GLIS3: variants seen among roughly 807,000 people sequenced by gnomAD.
The protein encoded by GLIS3 is GLIS family zinc finger 3, also known as zinc finger protein GLIS3.
In GLIS3, 53 loss-of-function variants were observed where a neutral mutation model predicts 78.6. The ratio of observed to expected loss-of-function variants is 0.67; its 90% CI spans 0.54 to 0.85. The LOEUF (loss-of-function observed/expected upper bound fraction) is 0.85, where lower values mean the gene tolerates loss of function less well. GLIS3 is among the 40% of genes least tolerant of loss of function. The pLI, the probability that GLIS3 is intolerant of heterozygous loss-of-function variation, is 0.00. For missense variants in GLIS3, 1,703 were observed against 1,231.1 expected, an observed-to-expected ratio of 1.38 and a Z score of -5.74; for synonymous variants, 684 against 509.9, an observed-to-expected ratio of 1.34 and a Z score of -4.60.
At chr9:4,033,081 T>C (rs1165137171) in intron 4 of GLIS3, among the ~76,000 whole-genome samples, 2 of 151,988 alleles carry the variant, frequency 1.3e-5, no homozygotes, top group African/African-American at 4.8e-5. Context: ...TCTTGATCTC[T>C]TGACCTTGTG....
chr9:4,405,398 A>G, the GLIS3 span, among the ~76,000 whole-genome samples: 4 of 151,832 alleles, frequency 2.6e-5, no homozygotes, highest in Admixed American at 2.6e-4. Context: ...AAAGAAAGAA[A>G]GAAAGAAAAG....
chr9:4,229,073 G>C (rs1822030229), intron 2 of GLIS3, among the ~76,000 whole-genome samples: 1 of 152,118 alleles, frequency 6.6e-6, no homozygotes, highest in South Asian at 2.1e-4. Context: ...TAGTTGTTAG[G>C]TGTAAAAAAC....
At chr9:4,435,280 T>C in the GLIS3 span, among the ~76,000 whole-genome samples, 12 of 152,320 alleles carry the variant, frequency 7.9e-5, no homozygotes, top group East Asian at 1.9e-4. Flanking sequence ...TAATGGATTG[T>C]AAAATTGAAT....
intron 4 of GLIS3, among the ~76,000 whole-genome samples, chr9:4,012,501 A>G (rs943027304): frequency 2.0e-5 from 3 of 152,210 alleles, no homozygotes; most frequent in Non-Finnish European, 4.4e-5. Flanking sequence ...ATAATTTTGT[A>G]AAGGACACTG....
chr9:4,388,567 G>T, the GLIS3 span, among the ~76,000 whole-genome samples: 11,503 of 151,904 alleles, frequency 0.076, 562 homozygotes, highest in South Asian at 0.12. Context: ...TCCCAGCTAC[G>T]CAGGAGGCTG....
chr9:4,310,521 T>A (rs1233527377), exon 3 of GLIS3: 2 of 152,184 alleles, frequency 1.3e-5, no homozygotes, highest in Admixed American at 6.5e-5. Flanking sequence ...TGAATTTCAT[T>A]TGCAAACCTA....
chr9:4,369,610 C>G, the GLIS3 span, among the ~76,000 whole-genome samples: 2 of 152,106 alleles, frequency 1.3e-5, no homozygotes, highest in African/African-American at 4.8e-5. Context: ...GCTGTAGGCC[C>G]TTGTGCAAGC....
the GLIS3 span, among the ~76,000 whole-genome samples, chr9:4,416,842 G>A: frequency 1.8e-5 from 2 of 113,858 alleles, no homozygotes; most frequent in East Asian, 5.2e-4. Flanking sequence ...TTTTTAGATG[G>A]AGTTTCACTC....
intron 4 of GLIS3, among the ~76,000 whole-genome samples, chr9:4,074,884 G>A (rs1014410277): frequency 1.3e-5 from 2 of 152,130 alleles, no homozygotes; most frequent in African/African-American, 4.8e-5. Context: ...CAATTCAAGA[G>A]GATCATCTAC....
At chr9:4,195,298 G>A (rs937161347) in intron 2 of GLIS3, among the ~76,000 whole-genome samples, 11 of 152,314 alleles carry the variant, frequency 7.2e-5, no homozygotes, top group Non-Finnish European at 1.6e-4. Context: ...AGGTGTGGAG[G>A]GAGAGGCGCG....
intron 2 of GLIS3, among the ~76,000 whole-genome samples, chr9:4,281,925 A>T (rs557036473): frequency 6.6e-6 from 1 of 152,290 alleles, no homozygotes; most frequent in African/African-American, 2.4e-5. Flanking sequence ...TCACTGTGGC[A>T]CTCCAGTGAC....
the GLIS3 span, among the ~76,000 whole-genome samples, chr9:4,437,420 G>GTATGTATGTATGTATCTATCTATC: frequency 7.9e-6 from 1 of 126,928 alleles, no homozygotes; most frequent in African/African-American, 2.9e-5. Flanking sequence ...ATGTATGTAT[G>GTATGTATGTATGTATCTATCTATC]TATCTATCTA....
In GLIS3 at chr9:4,118,145, G is replaced by A. The variant is rs767395428; in HGVS notation, c.1333C>T (p.Pro445Ser). 9 of 1,554,028 alleles carry A rather than the reference G, an allele frequency of 5.8e-6. No homozygotes were observed. The highest frequency in any genetic ancestry group is 5.2e-6 in the Non-Finnish European group (6 of 1,149,562). Residue 445 changes from proline to serine, a missense_variant, in exon 4 of 11, where the codon CCC becomes TCC. Coordinates refer to ENST00000381971, the MANE Select transcript of GLIS3 (RefSeq NM_001042413.2). This position sits in a 1 kb window ranked among gnomAD's most constrained non-coding sequence, Gnocchi z 4.7. ...EFPGSTVDLP[P>S]APPLPPLPPP... ...GGCAGAGGAGGGAGCGGAGGCGCGG[G>A]GGGTAGGTCTACGGTGCTGCCCGGG... is the stretch of plus-strand genomic sequence containing the variant.
At chr9:4,039,815 G>A (rs1422221368) in intron 4 of GLIS3, among the ~76,000 whole-genome samples, 1 of 152,230 alleles carries the variant, frequency 6.6e-6, no homozygotes, top group African/African-American at 2.4e-5. Context: ...CAATGGTCAA[G>A]TACTACAGGA....
At chr9:4,430,052 CAAAA>C in the GLIS3 span, among the ~76,000 whole-genome samples, 5 of 151,638 alleles carry the variant, frequency 3.3e-5, no homozygotes, top group Admixed American at 3.3e-4. Flanking sequence ...AACAAACAAA[CAAAA>C]ACTTTGAGGC....
intron 4 of GLIS3, among the ~76,000 whole-genome samples, chr9:3,998,156 C>A (rs1820872187): frequency 6.6e-6 from 1 of 152,098 alleles, no homozygotes. Flanking sequence ...GCTTTCTGCT[C>A]CAAAAAGATG....
intron 2 of GLIS3, among the ~76,000 whole-genome samples, chr9:4,174,935 C>T (rs1327855545): frequency 6.6e-6 from 1 of 152,230 alleles, no homozygotes; most frequent in East Asian, 1.9e-4. Context: ...ATATGACTGA[C>T]GACGCTGGAA....
At chr9:4,392,173 C>G in the GLIS3 span, among the ~76,000 whole-genome samples, 1 of 151,844 alleles carries the variant, frequency 6.6e-6, no homozygotes, top group Admixed American at 6.6e-5. Context: ...CACAAGTTCT[C>G]ACTCATCGCT....
At chr9:4,241,914 C>T (rs1823356737) in intron 2 of GLIS3, among the ~76,000 whole-genome samples, 1 of 152,150 alleles carries the variant, frequency 6.6e-6, no homozygotes, top group African/African-American at 2.4e-5. Context: ...AAGCTCCTGG[C>T]CTCAAATGAT....
Sources: gnomAD v4.1 joint callset for allele counts (sites outside exome capture counted in the v4.1 genomes callset) on GRCh38, gnomAD v4.1.1 for gene constraint, Gnocchi (gnomAD v3.1) non-coding constraint, MANE v1.5 for transcripts, NCBI Gene and HGNC (gene_info 2026-07-23, HGNC 2026-07-21) for gene names.